The following EEFSEC variants were observed in gnomAD, a reference collection of about 807,000 sequenced individuals.
The protein encoded by EEFSEC is selenocysteine-specific elongation factor.
In EEFSEC, 43 loss-of-function variants were observed where a neutral mutation model predicts 42.1. The ratio of observed to expected loss-of-function variants is 1.02; its 90% CI spans 0.80 to 1.32. The LOEUF is 1.32. Ranked by LOEUF, EEFSEC falls within the 40% of genes most tolerant of loss-of-function variation. The pLI, the probability that EEFSEC is intolerant of heterozygous loss-of-function variation, is 0.00. For synonymous variants in EEFSEC, 354 were observed against 339.1 expected, an observed-to-expected ratio of 1.04 and a Z score of -0.48; for missense variants, 745 against 803.6, an observed-to-expected ratio of 0.93 and a Z score of 0.88.
At chr3:128,339,842 C>T (rs2107561704) in intron 4 of EEFSEC, among the ~76,000 whole-genome samples, 1 of 152,130 alleles carries the variant, frequency 6.6e-6, no homozygotes, top group African/African-American at 2.4e-5. Flanking sequence ...TGGTGGAAGG[C>T]GAAAGGCACG....
At chr3:128,372,893 C>T (rs927935301) in intron 6 of EEFSEC, among the ~76,000 whole-genome samples, 2 of 152,224 alleles carry the variant, frequency 1.3e-5, no homozygotes, top group Non-Finnish European at 2.9e-5. Flanking sequence ...CTGCGCCTAG[C>T]GAGGGTTGGT....
chr3:128,351,732 A>G (rs1389839091), intron 5 of EEFSEC, among the ~76,000 whole-genome samples: 1 of 152,230 alleles, frequency 6.6e-6, no homozygotes, highest in Non-Finnish European at 1.5e-5. Flanking sequence ...GGCCAGGGAC[A>G]ATGGGGACCC....
the EEFSEC span, among the ~76,000 whole-genome samples, chr3:128,421,682 G>T: frequency 3.7e-4 from 56 of 149,616 alleles, no homozygotes; most frequent in African/African-American, 8.1e-4. Context: ...TGAGCGGGGT[G>T]GGGGGGCGCA....
At chr3:128,250,165 G>C (rs1488332122) in intron 2 of EEFSEC, among the ~76,000 whole-genome samples, 1 of 152,148 alleles carries the variant, frequency 6.6e-6, no homozygotes, top group South Asian at 2.1e-4. Flanking sequence ...TCCCTTGTCA[G>C]AGATATGATT....
chr3:128,203,410 G>A (rs770630153), intron 1 of EEFSEC, among the ~76,000 whole-genome samples: 6 of 152,226 alleles, frequency 3.9e-5, no homozygotes, highest in African/African-American at 9.7e-5. Context: ...GATGATGAGT[G>A]TTGGCGATGG....
intron 1 of EEFSEC, among the ~76,000 whole-genome samples, chr3:128,188,133 G>A (rs1038626991): frequency 1.3e-5 from 2 of 152,170 alleles, no homozygotes; most frequent in African/African-American, 4.8e-5. Context: ...ATTTTGGAGG[G>A]CAGTGCCAGT....
At chr3:128,301,412 G>A (rs1576620851) in intron 4 of EEFSEC, among the ~76,000 whole-genome samples, 1 of 152,190 alleles carries the variant, frequency 6.6e-6, no homozygotes, top group Non-Finnish European at 1.5e-5. Flanking sequence ...CTGGGCCTGG[G>A]GCTCTGCACA....
chr3:128,379,109 G>A (rs2067743839), intron 6 of EEFSEC, among the ~76,000 whole-genome samples: 1 of 152,230 alleles, frequency 6.6e-6, no homozygotes, highest in Non-Finnish European at 1.5e-5. Flanking sequence ...CCCAGTGTCT[G>A]TAGGGACGGC....
chr3:128,241,201 C>CTCTCTT (rs761624698), intron 1 of EEFSEC, among the ~76,000 whole-genome samples: 1 of 80,658 alleles, frequency 1.2e-5, no homozygotes, highest in Non-Finnish European at 2.2e-5. Flanking sequence ...CTCTCTCTCT[C>CTCTCTT]TTTTTTTTTT....
chr3:128,217,852 ATCT>A (rs1184311712), intron 1 of EEFSEC, among the ~76,000 whole-genome samples: 11 of 152,216 alleles, frequency 7.2e-5, no homozygotes, highest in Non-Finnish European at 1.2e-4. Context: ...ATTAGGGAAC[ATCT>A]TCTATATTTC....
At chr3:128,407,993 C>A (rs972108269) in intron 6 of EEFSEC, 76 bp from the exon 7 acceptor site, 136 of 1,377,058 alleles carry the variant, frequency 9.9e-5, no homozygotes, top group Non-Finnish European at 1.3e-4. Context: ...TGAGTCTAGG[C>A]AGCAGGTGCG....
chr3:128,343,767 A>G (rs539695722), intron 5 of EEFSEC, among the ~76,000 whole-genome samples: 1 of 152,240 alleles, frequency 6.6e-6, no homozygotes, highest in East Asian at 1.9e-4. Flanking sequence ...CATGCCTCCG[A>G]AGGGCTGAGG....
At chr3:128,231,595 G>GC (rs1279725011) in intron 1 of EEFSEC, among the ~76,000 whole-genome samples, 3 of 152,210 alleles carry the variant, frequency 2.0e-5, no homozygotes, top group Non-Finnish European at 4.4e-5. Context: ...TGGAGCAGGG[G>GC]CTCCAACTCA....
rs2068149146 is a variant in EEFSEC, at chr3:128,408,473, C to T, written c.*214C>T. ...GTCTCTCCTCCAGCCCCTGCACACT[C>T]CCACCCAGGACAGCCCCCAGCCCAA... On this transcript the variant is annotated 3_prime_UTR_variant, in exon 7 of 7. Transcript: ENST00000254730. 4.3e-6 allele frequency: 2 copies of T among 466,724 alleles called. No individual in the cohort carries two copies. The highest frequency in any genetic ancestry group is 2.0e-5 in the African/African-American group (1 of 49,536). 28.9% of individuals were successfully genotyped at this position (466,724 alleles called of 1,614,324 possible).
the EEFSEC span, among the ~76,000 whole-genome samples, chr3:128,419,700 G>A: frequency 6.6e-6 from 1 of 152,216 alleles, no homozygotes; most frequent in Non-Finnish European, 1.5e-5. Flanking sequence ...AGGAATAAGA[G>A]CCACACCGGC....
rs370724096 is a variant in EEFSEC at position 128,255,251 on chromosome 3, G to T, written c.525-6877G>T. On this transcript the variant is annotated intron_variant, in intron 2 of 6. Transcript: ENST00000254730. ...CTGCAGTGGGCGCATGAGTGATGAA[G>T]AAGGGCCTCTCGGGGACGTGAAGGA... Among the ~76,000 whole-genome samples the T allele has an allele frequency of 1.1e-3, 161 of 152,254 alleles. 1 individual carries two copies. Among genetic ancestry groups the T allele is most frequent in the African/African-American group, 3.7e-3 (155 of 41,554 alleles).
intron 2 of EEFSEC, among the ~76,000 whole-genome samples, chr3:128,253,106 G>C (rs911653190): frequency 6.6e-6 from 1 of 152,226 alleles, no homozygotes; most frequent in South Asian, 2.1e-4. Flanking sequence ...GTCTGGGAAA[G>C]GGCCAGACAC....
intron 4 of EEFSEC, among the ~76,000 whole-genome samples, chr3:128,273,990 C>T (rs1181610485): frequency 1.1e-4 from 16 of 152,174 alleles, no homozygotes; most frequent in Non-Finnish European, 1.5e-5. Context: ...GGCTCTAGTG[C>T]CCAAGACCAC....
intron 1 of EEFSEC, among the ~76,000 whole-genome samples, chr3:128,209,283 CTT>C (rs1333977227): frequency 6.6e-6 from 1 of 152,176 alleles, no homozygotes; most frequent in Non-Finnish European, 1.5e-5. Context: ...CTAGGTGAGA[CTT>C]TTCTTGGAAA....
Sources: allele counts gnomAD v4.1 joint callset (sites outside exome capture counted in the v4.1 genomes callset), GRCh38; gene constraint gnomAD v4.1.1; transcripts MANE v1.5; gene names NCBI Gene and HGNC (gene_info 2026-07-23, HGNC 2026-07-21).